DAPK2: variants seen among roughly 807,000 people sequenced by gnomAD.
DAPK2 encodes death-associated protein kinase 2.
In DAPK2, 35 loss-of-function variants were observed where a neutral mutation model predicts 44.1. That is an observed-to-expected ratio of 0.79 (90% CI 0.61 to 1.05). The LOEUF (loss-of-function observed/expected upper bound fraction) is 1.05, where lower values mean the gene tolerates loss of function less well. DAPK2 is among the 50% of genes least tolerant of loss of function. The probability of loss-of-function intolerance (pLI) is 0.00; values close to 1 mark genes in which losing one functional copy is unlikely to be tolerated. For missense variants in DAPK2, 453 were observed against 483.2 expected, an observed-to-expected ratio of 0.94 and a Z score of 0.59; for synonymous variants, 174 against 182.6, an observed-to-expected ratio of 0.95 and a Z score of 0.38.
chr15:63,927,152 C>T (rs552437802), intron 6 of DAPK2, among the ~76,000 whole-genome samples: 273 of 152,272 alleles, frequency 1.8e-3, no homozygotes, highest in Non-Finnish European at 3.1e-3. Context: ...ATACAAAAGC[C>T]TTCATGCAAT....
chr15:63,963,351 A>G (rs891694379), intron 3 of DAPK2, among the ~76,000 whole-genome samples: 2 of 152,238 alleles, frequency 1.3e-5, no homozygotes, highest in Non-Finnish European at 1.5e-5. Flanking sequence ...CTTTCTGACA[A>G]GCCCCAGTGA....
At chr15:64,040,479 T>G (rs961390723), upstream of DAPK2, among the ~76,000 whole-genome samples, 4 of 152,180 alleles carry the variant, frequency 2.6e-5, no homozygotes, top group African/African-American at 9.7e-5. Flanking sequence ...TCAAATTTGT[T>G]AAGGAGACAG....
In DAPK2 at chr15:63,926,363, C is replaced by G. The variant is rs572592638; in HGVS notation, c.660-270G>C. On this transcript the variant is annotated intron_variant, in intron 6 of 10. Coordinates refer to ENST00000261891, the Ensembl canonical transcript of DAPK2. ...AGGGGAGAGAAACACAGAGACATGTCTCTTTGTGATCCCCAGCAAGACAAG... is the reference window on the plus strand; with the variant it reads ...AGGGGAGAGAAACACAGAGACATGTGTCTTTGTGATCCCCAGCAAGACAAG... Among the ~76,000 whole-genome samples the G allele has an allele frequency of 6.6e-5, 10 of 152,234 alleles. No individual in the cohort carries two copies. In the South Asian group the frequency reaches 2.1e-3, roughly 32 times the overall value.
At chr15:64,018,339 G>A (rs749723084) in intron 1 of DAPK2, among the ~76,000 whole-genome samples, 6 of 152,188 alleles carry the variant, frequency 3.9e-5, no homozygotes, top group Non-Finnish European at 5.9e-5. Context: ...AGCAACTGCT[G>A]CCTCAGACTC....
chr15:64,031,380 G>A (rs1448246737), intron 1 of DAPK2, among the ~76,000 whole-genome samples: 1 of 151,924 alleles, frequency 6.6e-6, no homozygotes, highest in Non-Finnish European at 1.5e-5. Flanking sequence ...CTACAGGCGT[G>A]TGCCACCACA....
intron 1 of DAPK2, among the ~76,000 whole-genome samples, chr15:63,996,246 C>T (rs1033018543): frequency 6.6e-6 from 1 of 152,140 alleles, no homozygotes; most frequent in Non-Finnish European, 1.5e-5. Context: ...CCAGCCAGGG[C>T]AACACAGTGA....
At chr15:64,019,933 T>C (rs1196936534) in intron 1 of DAPK2, among the ~76,000 whole-genome samples, 1 of 152,220 alleles carries the variant, frequency 6.6e-6, no homozygotes, top group Non-Finnish European at 1.5e-5. Context: ...CTGCTTTCCA[T>C]TTTCATGCCA....
chr15:63,949,565 T>C (rs2077534359), intron 3 of DAPK2, among the ~76,000 whole-genome samples: 1 of 152,218 alleles, frequency 6.6e-6, no homozygotes, highest in African/African-American at 2.4e-5. Flanking sequence ...AGGACCTAGC[T>C]GTGCTTTAGG....
At chr15:64,010,405 G>T (rs2079358436) in intron 1 of DAPK2, among the ~76,000 whole-genome samples, 1 of 152,166 alleles carries the variant, frequency 6.6e-6, no homozygotes, top group Non-Finnish European at 1.5e-5. Flanking sequence ...AGTATTGACT[G>T]CTTAGTGTCC....
chr15:63,931,050 G>A (rs4776672), intron 4 of DAPK2, among the ~76,000 whole-genome samples: 4,842 of 152,218 alleles, frequency 0.032, 106 homozygotes, highest in South Asian at 0.073. Context: ...GGGTGACAGA[G>A]TGAGACCCAT....
chr15:63,940,068 T>C (rs1237315526), intron 3 of DAPK2, among the ~76,000 whole-genome samples: 1 of 152,136 alleles, frequency 6.6e-6, no homozygotes, highest in Admixed American at 6.5e-5. Context: ...CACACACCCA[T>C]GGGCCTGGCC....
chr15:63,940,666 C>T (rs1441877148), intron 3 of DAPK2, among the ~76,000 whole-genome samples: 2 of 151,912 alleles, frequency 1.3e-5, no homozygotes, highest in African/African-American at 4.8e-5. Flanking sequence ...GAACCAAGAT[C>T]GTGCCACTGC....
intron 1 of DAPK2, among the ~76,000 whole-genome samples, chr15:64,036,342 T>TAGTTATATATATATATATATAACTAAA (rs1326532421): frequency 7.4e-6 from 1 of 134,288 alleles, no homozygotes; most frequent in Admixed American, 8.1e-5. Context: ...TATATACATA[T>TAGTTATATATATATATATATAACTAAA]ATATATATAT....
chr15:63,970,116 A>G (rs1266710228), intron 3 of DAPK2, among the ~76,000 whole-genome samples: 1 of 152,222 alleles, frequency 6.6e-6, no homozygotes, highest in Non-Finnish European at 1.5e-5. Flanking sequence ...TCTCCAGCCT[A>G]TCCATCCTCC....
At chr15:63,961,740 G>T (rs914897158) in intron 3 of DAPK2, among the ~76,000 whole-genome samples, 2 of 152,138 alleles carry the variant, frequency 1.3e-5, no homozygotes, top group Non-Finnish European at 2.9e-5. Flanking sequence ...TCCCTTTGTG[G>T]GTAACCCGAC....
At chr15:64,002,542 C>A (rs1293784002) in intron 1 of DAPK2, among the ~76,000 whole-genome samples, 2 of 152,180 alleles carry the variant, frequency 1.3e-5, no homozygotes, top group Non-Finnish European at 2.9e-5. Flanking sequence ...GAGGACTTGG[C>A]AGAACACATA....
chr15:63,972,922 C>A (rs2078252094), intron 2 of DAPK2, among the ~76,000 whole-genome samples: 1 of 152,292 alleles, frequency 6.6e-6, no homozygotes, highest in African/African-American at 2.4e-5. Flanking sequence ...TTCATCAAGA[C>A]AATAAGGGGA....
upstream of DAPK2, among the ~76,000 whole-genome samples, chr15:64,044,437 G>A (rs140249231): frequency 3.2e-4 from 48 of 152,324 alleles, no homozygotes; most frequent in Non-Finnish European, 6.5e-4. Flanking sequence ...ATATGTTGGC[G>A]TTCTGGGTAA....
intron 3 of DAPK2, among the ~76,000 whole-genome samples, chr15:63,959,859 T>C (rs541747275): frequency 5.9e-5 from 9 of 152,298 alleles, no homozygotes; most frequent in South Asian, 2.1e-4. Context: ...CAGGATGATG[T>C]TGGCCTCATA....
Sources: gnomAD v4.1 joint callset for allele counts (sites outside exome capture counted in the v4.1 genomes callset) on GRCh38, gnomAD v4.1.1 for gene constraint, MANE v1.5 for transcripts, NCBI Gene and HGNC (gene_info 2026-07-23, HGNC 2026-07-21) for gene names.